Variants in NEK5 observed in about 807,000 individuals in gnomAD.
NEK5 encodes the protein serine/threonine-protein kinase Nek5.
A neutral mutation model predicts 109.2 loss-of-function variants in NEK5; 88 were observed. The ratio of observed to expected loss-of-function variants is 0.81; its 90% CI spans 0.68 to 0.96. The LOEUF is 0.96. Ranked by LOEUF, NEK5 falls within the 40% of genes least tolerant of loss-of-function variation. The pLI is 0.00. For synonymous variants in NEK5, 283 were observed against 299.9 expected, an observed-to-expected ratio of 0.94 and a Z score of 0.58; for missense variants, 834 against 920.7, an observed-to-expected ratio of 0.91 and a Z score of 1.22.
intron 23 of NEK5, among the ~76,000 whole-genome samples, chr13:52,042,237 T>G (rs1330229063): frequency 6.6e-6 from 1 of 151,666 alleles, no homozygotes; most frequent in African/African-American, 2.4e-5. Flanking sequence ...ATATCATAAA[T>G]AATTACTAAA....
In NEK5 at chr13:52,035,072, T is replaced by C. The variant is rs12430077; in HGVS notation, c.*1876A>G. ...ATGCACATCCGGAGCACTAAAAGAG[T>C]TGCAGAATTAATGATACTCCAATCT... On this transcript the variant is annotated 3_prime_UTR_variant, in exon 24 of 24. Coordinates refer to ENST00000684899, the MANE Select transcript of NEK5 (RefSeq NM_001365552.1). 3,421 of 151,562 alleles carry C rather than the reference T, an allele frequency of 0.023. 182 individuals are homozygous for C. The highest frequency in any genetic ancestry group is 0.2 in the East Asian group (1,001 of 5,132). 9.4% of individuals were successfully genotyped at this position (151,562 alleles called of 1,614,324 possible). A position where few individuals can be genotyped will look rare whatever the true frequency, so the allele number is the denominator to read the frequency against.
At chr13:52,097,003 A>C (rs1955430576) in intron 12 of NEK5, among the ~76,000 whole-genome samples, 1 of 152,128 alleles carries the variant, frequency 6.6e-6, no homozygotes, top group African/African-American at 2.4e-5. Context: ...CCATGGTTAA[A>C]ACGGCCCAAG....
In NEK5 at chr13:52,062,797, A is replaced by T. The variant is rs565454640; in HGVS notation, c.1976-844T>A. ...TGGAATTTAGGTAGAAAACATAATC[A>T]TATCCTAAACACTCCTAACATTTAA... is the stretch of plus-strand genomic sequence containing the variant. On this transcript the variant is annotated intron_variant, in intron 21 of 23. Coordinates refer to ENST00000684899, the MANE Select transcript of NEK5 (RefSeq NM_001365552.1). 2.3e-4 allele frequency among the ~76,000 whole-genome samples: 35 copies of T among 152,262 alleles called. No individual in the cohort carries two copies. In the South Asian group the frequency reaches 7.3e-3, roughly 32 times the overall value.
chr13:52,071,899 A>T, intron 20 of NEK5, 45 bp downstream of exon 20: 1 of 1,591,228 alleles, frequency 6.3e-7, no homozygotes, highest in South Asian at 1.1e-5. Flanking sequence ...ATGGGTTGCT[A>T]ATAAAACAGT....
chr13:52,072,949 A>G (rs1481894993), intron 19 of NEK5, among the ~76,000 whole-genome samples: 1 of 152,228 alleles, frequency 6.6e-6, no homozygotes, highest in Admixed American at 6.5e-5. Context: ...ATCAACTAAT[A>G]AAATGAAATT....
chr13:52,089,174 G>T, intron 14 of NEK5, 73 bp downstream of exon 14: 2 of 959,114 alleles, frequency 2.1e-6, no homozygotes, highest in Non-Finnish European at 3.3e-6. Flanking sequence ...AATGAACTTT[G>T]ACTTGAAAAT....
chr13:52,051,006 C>A (rs1275810199), intron 22 of NEK5, among the ~76,000 whole-genome samples: 1 of 151,540 alleles, frequency 6.6e-6, no homozygotes, highest in Non-Finnish European at 1.5e-5. Context: ...GTGTGAGCCA[C>A]CGTGCCCGGC....
chr13:52,047,965 T>A (rs1269111673), intron 23 of NEK5, among the ~76,000 whole-genome samples: 1 of 152,152 alleles, frequency 6.6e-6, no homozygotes, highest in Non-Finnish European at 1.5e-5. Flanking sequence ...ACAGTAGCAG[T>A]AGTTCTATAC....
chr13:52,041,948 C>A (rs1422433934), intron 23 of NEK5, among the ~76,000 whole-genome samples: 1 of 151,402 alleles, frequency 6.6e-6, no homozygotes, highest in African/African-American at 2.4e-5. Context: ...GTGAAGCAAG[C>A]AGGATAAAAG....
chr13:52,069,649 C>T (rs1225610408), intron 20 of NEK5, among the ~76,000 whole-genome samples: 1 of 152,168 alleles, frequency 6.6e-6, no homozygotes, highest in African/African-American at 2.4e-5. Context: ...TTGATGAAAG[C>T]TTCATGCATT....
intron 13 of NEK5, 48 bp from the exon 14 acceptor site, chr13:52,089,361 T>G (rs373216345): frequency 9.6e-6 from 11 of 1,150,716 alleles, no homozygotes; most frequent in Non-Finnish European, 1.4e-5. Flanking sequence ...GAACAAATCT[T>G]AGGCACCAAT....
At chr13:52,105,402 A>G (rs1796413346) in intron 8 of NEK5, among the ~76,000 whole-genome samples, 1 of 151,690 alleles carries the variant, frequency 6.6e-6, no homozygotes, top group Admixed American at 6.6e-5. Flanking sequence ...TTTTTTTTTC[A>G]TTAACAAGGT....
At chr13:52,081,312 G>GTATCTGC (rs1196480946) in intron 17 of NEK5, among the ~76,000 whole-genome samples, 3 of 152,138 alleles carry the variant, frequency 2.0e-5, no homozygotes, top group Non-Finnish European at 4.4e-5. Flanking sequence ...GTTTGCAAAG[G>GTATCTGC]TATCTGCTGC....
chr13:52,102,448 G>T (rs891405954), intron 9 of NEK5, among the ~76,000 whole-genome samples, 156 bp from the exon 10 acceptor site: 7 of 152,234 alleles, frequency 4.6e-5, no homozygotes, highest in Non-Finnish European at 7.3e-5. Context: ...AGCAATTTGG[G>T]AGGCCAAGGC....
intron 20 of NEK5, 90 bp downstream of exon 20, chr13:52,071,854 G>A: frequency 8.8e-7 from 1 of 1,134,460 alleles, no homozygotes; most frequent in Non-Finnish European, 1.3e-6. Flanking sequence ...AAGTAACAGT[G>A]GAGCCGAGGC....
chr13:52,037,229 A>T lies in NEK5; in HGVS notation c.2229-11T>A. ...GATTCTTCAAAATTTCTGAAATAAT[A>T]AGCAGTAAAAATCAGCATTATGATA... On this transcript the variant is annotated splice_polypyrimidine_tract_variant and intron_variant, in intron 23 of 23. Coordinates refer to ENST00000684899, the MANE Select transcript of NEK5 (RefSeq NM_001365552.1). 1 of 976,208 alleles carries T rather than the reference A, an allele frequency of 1.0e-6. No individual in the cohort carries two copies. The highest frequency in any genetic ancestry group is 1.2e-6 in the Non-Finnish European group (1 of 821,616). 60.5% of individuals were successfully genotyped at this position (976,208 alleles called of 1,614,324 possible). A position where few individuals can be genotyped will look rare whatever the true frequency, so the allele number is the denominator to read the frequency against.
intron 16 of NEK5, 55 bp from the exon 17 acceptor site, chr13:52,083,407 G>A: frequency 9.2e-7 from 1 of 1,082,848 alleles, no homozygotes; most frequent in Non-Finnish European, 1.4e-6. Flanking sequence ...AGCTCTGAAG[G>A]CTACTTGGCT....
intron 12 of NEK5, among the ~76,000 whole-genome samples, chr13:52,099,376 T>C (rs1425371242): frequency 3.3e-5 from 5 of 151,722 alleles, no homozygotes; most frequent in Non-Finnish European, 7.4e-5. Flanking sequence ...ACTAAAAGTA[T>C]AAAAATTAGC....
intron 8 of NEK5, among the ~76,000 whole-genome samples, chr13:52,106,301 T>G (rs1467591466): frequency 6.6e-6 from 1 of 152,162 alleles, no homozygotes. Context: ...TAGCCAAGTA[T>G]CTCTTGGGCA....
Sources: allele counts gnomAD v4.1 joint callset (sites outside exome capture counted in the v4.1 genomes callset), GRCh38; gene constraint gnomAD v4.1.1; transcripts MANE v1.5; gene names NCBI Gene and HGNC (gene_info 2026-07-23, HGNC 2026-07-21).